The following TANGO6 variants were observed in gnomAD, a reference collection of about 807,000 sequenced individuals.
The protein encoded by TANGO6 is transport and Golgi organization protein 6 homolog.
In TANGO6, 90 loss-of-function variants were observed where a neutral mutation model predicts 114.2. The ratio of observed to expected loss-of-function variants is 0.79; its 90% confidence interval spans 0.66 to 0.94. TANGO6 has a LOEUF of 0.94. Among genes scored for constraint, TANGO6 ranks in the 40% least tolerant of loss-of-function variants. The probability of loss-of-function intolerance (pLI) is 0.00; values close to 1 mark genes in which losing one functional copy is unlikely to be tolerated. For missense variants in TANGO6, 1,274 were observed against 1,315.3 expected (o/e 0.97, Z 0.49); for synonymous variants, 477 against 509.8 (o/e 0.94, Z 0.87).
At chr16:69,047,293 G>A (rs776612320) in intron 17 of TANGO6, among the ~76,000 whole-genome samples, 13 of 151,954 alleles carry the variant, frequency 8.6e-5, no homozygotes, top group East Asian at 1.9e-4. Flanking sequence ...TCAGGAGTTC[G>A]AGACCAGCCT....
intron 16 of TANGO6, among the ~76,000 whole-genome samples, chr16:69,025,119 A>G (rs1959477845): frequency 6.6e-6 from 1 of 152,086 alleles, no homozygotes; most frequent in Non-Finnish European, 1.5e-5. Flanking sequence ...CAAGCCAGGG[A>G]CCTCTGGCTG....
intron 7 of TANGO6, among the ~76,000 whole-genome samples, chr16:68,898,431 A>G (rs1962736725): frequency 1.3e-5 from 2 of 152,164 alleles, no homozygotes; most frequent in Admixed American, 1.3e-4. Context: ...AACAACGTTG[A>G]TTCCTACTTC....
At chr16:68,989,454 A>G (rs2093691389) in intron 15 of TANGO6, among the ~76,000 whole-genome samples, 1 of 151,804 alleles carries the variant, frequency 6.6e-6, no homozygotes, top group South Asian at 2.1e-4. Flanking sequence ...GCATTTCTAG[A>G]ATTTGTAGTT....
chr16:69,075,219 A>G (rs922838669), intron 17 of TANGO6, among the ~76,000 whole-genome samples: 1 of 150,840 alleles, frequency 6.6e-6, no homozygotes, highest in Non-Finnish European at 1.5e-5. Context: ...CTCTCTCTCA[A>G]CTTGTCATGA....
At chr16:69,042,118 C>T (rs936001180) in intron 17 of TANGO6, among the ~76,000 whole-genome samples, 1 of 152,108 alleles carries the variant, frequency 6.6e-6, no homozygotes, top group African/African-American at 2.4e-5. Context: ...AGGAGCCTGA[C>T]AATGTATTTA....
chr16:68,971,285 T>C (rs1314385936), intron 14 of TANGO6, among the ~76,000 whole-genome samples: 1 of 152,096 alleles, frequency 6.6e-6, no homozygotes. Flanking sequence ...CTATTTCTGT[T>C]TTTCTTTTTT....
intron 15 of TANGO6, among the ~76,000 whole-genome samples, chr16:68,975,953 G>T (rs1191968317): frequency 6.6e-6 from 1 of 151,926 alleles, no homozygotes; most frequent in Non-Finnish European, 1.5e-5. Flanking sequence ...TGTTATTTTT[G>T]CAACAGTGTC....
intron 17 of TANGO6, among the ~76,000 whole-genome samples, chr16:69,054,106 A>T (rs1597073550): frequency 6.6e-6 from 1 of 152,174 alleles, no homozygotes; most frequent in East Asian, 1.9e-4. Context: ...TAGAGGATAG[A>T]AGCCTGGCTG....
At chr16:68,958,194 T>A (rs926991783) in intron 14 of TANGO6, among the ~76,000 whole-genome samples, 1 of 144,698 alleles carries the variant, frequency 6.9e-6, no homozygotes, top group Non-Finnish European at 1.5e-5. Flanking sequence ...CAAATTAAAT[T>A]AAAAATTCAG....
intron 14 of TANGO6, among the ~76,000 whole-genome samples, chr16:68,965,990 G>C (rs1390785088): frequency 2.6e-5 from 4 of 152,038 alleles, no homozygotes; most frequent in Non-Finnish European, 5.9e-5. Context: ...CCAATATTTT[G>C]GGAGGCTGGG....
At chr16:68,980,751 C>T (rs1963827622) in intron 15 of TANGO6, among the ~76,000 whole-genome samples, 1 of 152,050 alleles carries the variant, frequency 6.6e-6, no homozygotes, top group African/African-American at 2.4e-5. Context: ...CTCACCTCAG[C>T]ACTTTGGGAG....
chr16:68,976,320 T>G (rs1963765355), intron 15 of TANGO6, among the ~76,000 whole-genome samples: 1 of 152,218 alleles, frequency 6.6e-6, no homozygotes, highest in South Asian at 2.1e-4. Flanking sequence ...TGGCATACAA[T>G]AAGGGCTCAG....
At chr16:68,992,791 G>A (rs190637550) in intron 15 of TANGO6, among the ~76,000 whole-genome samples, 13 of 152,210 alleles carry the variant, frequency 8.5e-5, no homozygotes, top group African/African-American at 2.9e-4. Flanking sequence ...AAATCTGGCC[G>A]GGCACGGTGG....
chr16:69,022,883 G>A lies in TANGO6; in HGVS notation c.2898G>A (p.Val966=). The A allele has an allele frequency of 6.3e-7, 1 of 1,595,814 alleles. No individual in the cohort carries two copies. The highest frequency in any genetic ancestry group is 8.5e-7 in the Non-Finnish European group (1 of 1,170,816). Reference sequence around the variant, plus strand: ...TGATCCATACCTTCCTGAGGGGAGTGAGAGATCCTGATGGTGCTCACAGGG... The same window carrying A: ...TGATCCATACCTTCCTGAGGGGAGTAAGAGATCCTGATGGTGCTCACAGGG... ...EPLIHTFLRG[V]RDPDGAHRAS... is the part of the protein sequence containing the mutation. The change falls in exon 16 of 18, where the codon GTG becomes GTA. Residue 966 remains valine (V), a synonymous_variant. Coordinates refer to ENST00000261778, the MANE Select transcript of TANGO6 (RefSeq NM_024562.2).
At chr16:69,031,984 G>A (rs1452733230) in intron 16 of TANGO6, among the ~76,000 whole-genome samples, 3 of 151,844 alleles carry the variant, frequency 2.0e-5, no homozygotes, top group Non-Finnish European at 2.9e-5. Context: ...TTTGAGCAAA[G>A]ATATAAGGAA....
chr16:69,064,209 A>C (rs894993171), intron 17 of TANGO6, among the ~76,000 whole-genome samples: 4 of 152,118 alleles, frequency 2.6e-5, no homozygotes, highest in Non-Finnish European at 5.9e-5. Context: ...GTATATTAGC[A>C]CATAATACAA....
At chr16:68,887,375 G>A (rs890070662) in intron 7 of TANGO6, among the ~76,000 whole-genome samples, 2 of 152,090 alleles carry the variant, frequency 1.3e-5, no homozygotes, top group Non-Finnish European at 2.9e-5. Flanking sequence ...AGGTTATCTG[G>A]TTTTTCAGAC....
intron 4 of TANGO6, among the ~76,000 whole-genome samples, chr16:68,872,272 TC>T (rs1373744493): frequency 6.6e-6 from 1 of 151,840 alleles, no homozygotes; most frequent in Non-Finnish European, 1.5e-5. Context: ...TTCTGTTATC[TC>T]TGTTTTTTTG....
chr16:69,028,454 A>AC (rs1009245306), intron 16 of TANGO6, among the ~76,000 whole-genome samples: 5 of 149,526 alleles, frequency 3.3e-5, no homozygotes. Flanking sequence ...ACATGGTGAA[A>AC]CCCCCTCTCT....
Sources: gnomAD v4.1 joint callset for allele counts (sites outside exome capture counted in the v4.1 genomes callset) on GRCh38, gnomAD v4.1.1 for gene constraint, MANE v1.5 for transcripts, NCBI Gene and HGNC (gene_info 2026-07-23, HGNC 2026-07-21) for gene names.